Variants in TASP1 observed in about 807,000 individuals in gnomAD.
TASP1 encodes taspase 1.
A neutral mutation model predicts 56.6 loss-of-function variants in TASP1; 16 were observed. The ratio of observed to expected loss-of-function variants is 0.28; its 90% confidence interval spans 0.19 to 0.43. The LOEUF is 0.43. Ranked by LOEUF, TASP1 falls within the 20% of genes least tolerant of loss-of-function variation. The pLI, the probability that TASP1 is intolerant of heterozygous loss-of-function variation, is 1.00. For missense variants in TASP1, 393 were observed against 511.6 expected (o/e 0.77, Z 2.24); for synonymous variants, 179 against 184.2 (o/e 0.97, Z 0.23).
At chr20:13,491,538 C>T (rs1401754204) in intron 10 of TASP1, among the ~76,000 whole-genome samples, 1 of 152,146 alleles carries the variant, frequency 6.6e-6, no homozygotes, top group Non-Finnish European at 1.5e-5. Context: ...CTTCATCACA[C>T]ATTTATAATT....
intron 11 of TASP1, among the ~76,000 whole-genome samples, chr20:13,439,727 T>C (rs1278902468): frequency 6.6e-6 from 1 of 150,704 alleles, no homozygotes; most frequent in Non-Finnish European, 1.5e-5. Context: ...AGAAGAAAAG[T>C]AAAACAAAAC....
the TASP1 span, among the ~76,000 whole-genome samples, chr20:13,320,831 C>G: frequency 6.6e-6 from 1 of 152,098 alleles, no homozygotes; most frequent in African/African-American, 2.4e-5. Context: ...GTTAAAGATA[C>G]CATTTCTTTT....
At chr20:13,509,770 G>A (rs1426564786) in intron 10 of TASP1, among the ~76,000 whole-genome samples, 2 of 152,126 alleles carry the variant, frequency 1.3e-5, no homozygotes, top group African/African-American at 4.8e-5. Flanking sequence ...GAGACTACAG[G>A]CGCGCACCAT....
the TASP1 span, chr20:13,164,298 G>A: frequency 6.4e-6 from 3 of 469,040 alleles, no homozygotes; most frequent in Non-Finnish European, 1.3e-5. Flanking sequence ...GGGGTAGCAT[G>A]AGAGGACAGA....
intron 1 of TASP1, among the ~76,000 whole-genome samples, chr20:13,632,569 G>C (rs539206984): frequency 9.2e-5 from 14 of 152,146 alleles, no homozygotes; most frequent in African/African-American, 3.1e-4. Flanking sequence ...CTCCCTCAGA[G>C]ACTATCTGAA....
the TASP1 span, among the ~76,000 whole-genome samples, chr20:13,287,696 G>T: frequency 5.9e-5 from 9 of 152,282 alleles, no homozygotes; most frequent in East Asian, 1.5e-3. Context: ...CATGTACCAA[G>T]AATTGTGCCT....
chr20:13,594,476 G>GA (rs1245306889), intron 4 of TASP1, among the ~76,000 whole-genome samples: 1 of 152,026 alleles, frequency 6.6e-6, no homozygotes, highest in African/African-American at 2.4e-5. Context: ...TAAAAACCTT[G>GA]AAAAAAGGTT....
the TASP1 span, among the ~76,000 whole-genome samples, chr20:13,295,651 G>T: frequency 6.6e-6 from 1 of 152,226 alleles, no homozygotes; most frequent in East Asian, 1.9e-4. Context: ...AAAGAGGAAG[G>T]CAGCAGGACT....
chr20:13,632,508 T>C (rs2049135958), intron 1 of TASP1, among the ~76,000 whole-genome samples: 2 of 152,182 alleles, frequency 1.3e-5, no homozygotes, highest in South Asian at 4.1e-4. Context: ...CAACGTTGTC[T>C]AAAAAGAAAT....
At chr20:13,574,888 G>C (rs1367429471) in intron 6 of TASP1, among the ~76,000 whole-genome samples, 2 of 152,054 alleles carry the variant, frequency 1.3e-5, no homozygotes, top group Non-Finnish European at 2.9e-5. Context: ...TCAGAATTCT[G>C]AATAGAAGAG....
At chr20:13,513,799 T>C (rs1449416632) in intron 10 of TASP1, among the ~76,000 whole-genome samples, 2 of 152,110 alleles carry the variant, frequency 1.3e-5, no homozygotes, top group Non-Finnish European at 2.9e-5. Context: ...CAGGACTACA[T>C]TGCTTATGCT....
At chr20:13,401,260 A>AT (rs1169783712) in intron 13 of TASP1, among the ~76,000 whole-genome samples, 2 of 152,100 alleles carry the variant, frequency 1.3e-5, no homozygotes, top group African/African-American at 4.8e-5. Flanking sequence ...TATATATTTA[A>AT]TTTTTTTCAA....
chr20:13,284,073 C>T, the TASP1 span, among the ~76,000 whole-genome samples: 1 of 152,198 alleles, frequency 6.6e-6, no homozygotes, highest in Non-Finnish European at 1.5e-5. Flanking sequence ...GCCTCAGTCT[C>T]CCTGCCCATA....
chr20:13,433,987 T>C (rs1449855663), intron 12 of TASP1, among the ~76,000 whole-genome samples: 1 of 152,144 alleles, frequency 6.6e-6, no homozygotes, highest in Non-Finnish European at 1.5e-5. Flanking sequence ...GACTGAAGAT[T>C]AGACACAAGT....
the TASP1 span, among the ~76,000 whole-genome samples, chr20:13,252,164 T>C: frequency 2.8e-4 from 42 of 152,138 alleles, no homozygotes; most frequent in Non-Finnish European, 4.6e-4. Context: ...CTCAGGCCTC[T>C]TTTCTGGAAG....
chr20:13,286,023 C>A, the TASP1 span, among the ~76,000 whole-genome samples: 10 of 152,318 alleles, frequency 6.6e-5, no homozygotes, highest in African/African-American at 2.4e-4. Flanking sequence ...ACCCACCCCA[C>A]AGGTGATGCA....
intron 6 of TASP1, among the ~76,000 whole-genome samples, chr20:13,576,350 A>AAGAAAGG (rs1568603001): frequency 5.1e-4 from 48 of 94,868 alleles, no homozygotes; most frequent in Middle Eastern, 4.9e-3. Flanking sequence ...AGGAAGAAAG[A>AAGAAAGG]AAGAAAGAAA....
chr20:13,165,876 G>T, the TASP1 span: 1 of 152,152 alleles, frequency 6.6e-6, no homozygotes, highest in South Asian at 2.1e-4. Flanking sequence ...CTATTAAATT[G>T]TACTATCACT....
intron 8 of TASP1, among the ~76,000 whole-genome samples, chr20:13,553,024 C>T (rs1235448728): frequency 6.6e-6 from 1 of 152,142 alleles, no homozygotes; most frequent in Non-Finnish European, 1.5e-5. Context: ...TAACCTCAAA[C>T]TCCTGGGCTC....
Sources: gnomAD v4.1 joint callset for allele counts (sites outside exome capture counted in the v4.1 genomes callset) on GRCh38, gnomAD v4.1.1 for gene constraint, MANE v1.5 for transcripts, NCBI Gene and HGNC (gene_info 2026-07-23, HGNC 2026-07-21) for gene names.